Variants in VDAC1 observed in about 807,000 individuals in gnomAD.
The protein encoded by VDAC1 is non-selective voltage-gated ion channel VDAC1.
Under a neutral mutation model 34.7 loss-of-function variants are expected in VDAC1, and 10 were observed. The observed-to-expected ratio is 0.29, with a 90% CI of 0.18 to 0.49. The LOEUF is 0.49. Ranked by LOEUF, VDAC1 falls within the 20% of genes least tolerant of loss-of-function variation. VDAC1 has a pLI of 0.99. For missense variants in VDAC1, 230 were observed against 347.9 expected (o/e 0.66, Z 2.69); for synonymous variants, 130 against 136.0 (o/e 0.96, Z 0.30).
the VDAC1 span, among the ~76,000 whole-genome samples, chr5:134,083,186 T>A: frequency 2.7e-5 from 4 of 147,268 alleles, no homozygotes; most frequent in Non-Finnish European, 5.9e-5. Context: ...TTTTCTTTTT[T>A]TTTCTTTTTT....
chr5:133,973,945 T>G, intron 7 of VDAC1, 97 bp from the exon 8 acceptor site: 1 of 1,167,458 alleles, frequency 8.6e-7, no homozygotes, highest in Non-Finnish European at 1.2e-6. Flanking sequence ...AACCTTGGAC[T>G]TTAGAATCAA....
At chr5:134,064,310 G>A in the VDAC1 span, among the ~76,000 whole-genome samples, 1 of 150,520 alleles carries the variant, frequency 6.6e-6, no homozygotes, top group African/African-American at 2.4e-5. Context: ...GTTTTTTGGG[G>A]TTTTTTTTTG....
At chr5:134,000,452 G>A (rs1353905831) in intron 1 of VDAC1, among the ~76,000 whole-genome samples, 6 of 152,194 alleles carry the variant, frequency 3.9e-5, no homozygotes, top group East Asian at 1.9e-4. Flanking sequence ...GATGGCCTGC[G>A]CTGGCAGCCA....
the VDAC1 span, among the ~76,000 whole-genome samples, chr5:134,101,312 A>T: frequency 6.6e-6 from 1 of 151,156 alleles, no homozygotes; most frequent in Non-Finnish European, 1.5e-5. Context: ...AGGATTGGCC[A>T]GGCGCGGTGG....
chr5:133,990,680 G>T (rs991596004), intron 5 of VDAC1, among the ~76,000 whole-genome samples, 175 bp downstream of exon 5: 3 of 152,166 alleles, frequency 2.0e-5, no homozygotes, highest in African/African-American at 4.8e-5. Context: ...GTCTGTTAGT[G>T]CATAGATGTG....
At chr5:134,016,349 T>TCCTA in the VDAC1 span, among the ~76,000 whole-genome samples, 1 of 152,168 alleles carries the variant, frequency 6.6e-6, no homozygotes, top group Non-Finnish European at 1.5e-5. Context: ...GGGGCTGGAA[T>TCCTA]CCTACCAGAA....
the VDAC1 span, among the ~76,000 whole-genome samples, chr5:134,015,026 G>C: frequency 6.6e-6 from 1 of 152,310 alleles, no homozygotes; most frequent in East Asian, 1.9e-4. Flanking sequence ...ATACTACACA[G>C]TCATAAAAAA....
chr5:134,016,276 G>C, the VDAC1 span, among the ~76,000 whole-genome samples: 1 of 152,190 alleles, frequency 6.6e-6, no homozygotes. Context: ...TCTCTGAGAG[G>C]GACTGTGTGT....
At chr5:133,979,180 T>C (rs1410725088) in intron 6 of VDAC1, among the ~76,000 whole-genome samples, 2 of 152,190 alleles carry the variant, frequency 1.3e-5, no homozygotes, top group South Asian at 2.1e-4. Context: ...TACCCACTTG[T>C]TGCTTATTTA....
At chr5:134,044,166 T>G in the VDAC1 span, among the ~76,000 whole-genome samples, 36 of 152,296 alleles carry the variant, frequency 2.4e-4, no homozygotes, top group African/African-American at 7.9e-4. Flanking sequence ...CTCATTTCCG[T>G]ATAGCTGTCC....
intron 5 of VDAC1, among the ~76,000 whole-genome samples, chr5:133,985,079 C>A (rs1345846130): frequency 6.6e-6 from 1 of 152,204 alleles, no homozygotes; most frequent in Non-Finnish European, 1.5e-5. Context: ...AGAATACTTT[C>A]TGGAGGATGA....
intron 5 of VDAC1, among the ~76,000 whole-genome samples, chr5:133,988,576 A>G (rs1055571811): frequency 5.9e-5 from 9 of 152,076 alleles, no homozygotes; most frequent in Non-Finnish European, 8.8e-5. Flanking sequence ...CAGCCTGGCC[A>G]ATACGGTGAA....
chr5:134,081,164 A>G, the VDAC1 span, among the ~76,000 whole-genome samples: 1 of 152,032 alleles, frequency 6.6e-6, no homozygotes, highest in East Asian at 1.9e-4. Flanking sequence ...CAGCCTCCCA[A>G]GTAGCTGGAA....
At chr5:134,056,502 C>T in the VDAC1 span, among the ~76,000 whole-genome samples, 12 of 142,898 alleles carry the variant, frequency 8.4e-5, no homozygotes, top group Admixed American at 6.7e-4. Flanking sequence ...TACAGTGGTG[C>T]GATCATGGCT....
the VDAC1 span, among the ~76,000 whole-genome samples, chr5:134,011,836 C>G: frequency 6.6e-6 from 1 of 151,756 alleles, no homozygotes; most frequent in Non-Finnish European, 1.5e-5. Flanking sequence ...GACGAGGTTT[C>G]ACCATGTTGG....
rs886773348 is a variant in VDAC1 at position 133,972,475 on chromosome 5, G to A, written c.*296C>T. 8.7e-6 allele frequency: 4 copies of A among 462,208 alleles called. No individual in the cohort carries two copies. Among genetic ancestry groups the A allele is most frequent in the African/African-American group, 6.0e-5 (3 of 49,696 alleles). 28.6% of individuals were successfully genotyped at this position (462,208 alleles called of 1,614,324 possible). ...TTTACTCAATATGAATTTACAAAGT[G>A]CCTACATATTATCCGCTTCCACTTG... is the stretch of plus-strand genomic sequence containing the variant. On this transcript the variant is annotated 3_prime_UTR_variant, in exon 9 of 9. Transcript: ENST00000265333.
intron 6 of VDAC1, among the ~76,000 whole-genome samples, chr5:133,979,752 A>G (rs758767503): frequency 8.5e-5 from 13 of 152,058 alleles, no homozygotes; most frequent in Non-Finnish European, 1.9e-4. Flanking sequence ...CTTGGTATAC[A>G]TTTTTACGAA....
At chr5:134,034,071 G>T in the VDAC1 span, among the ~76,000 whole-genome samples, 3 of 151,976 alleles carry the variant, frequency 2.0e-5, no homozygotes, top group Admixed American at 1.3e-4. Flanking sequence ...GAAGAAAAAA[G>T]CTAATCTATG....
chr5:134,043,463 G>A, the VDAC1 span, among the ~76,000 whole-genome samples: 1 of 152,192 alleles, frequency 6.6e-6, no homozygotes, highest in African/African-American at 2.4e-5. Flanking sequence ...AGAGGTGGCT[G>A]GAAAGGACTC....
Sources: allele counts gnomAD v4.1 joint callset (sites outside exome capture counted in the v4.1 genomes callset), GRCh38; gene constraint gnomAD v4.1.1; transcripts MANE v1.5; gene names NCBI Gene and HGNC (gene_info 2026-07-23, HGNC 2026-07-21).